MARCHF4: variants seen among roughly 807,000 people sequenced by gnomAD.
The protein encoded by MARCHF4 is membrane associated ring-CH-type finger 4.
A neutral mutation model predicts 43.9 loss-of-function variants in MARCHF4; 14 were observed. The ratio of observed to expected loss-of-function variants is 0.32; its 90% CI spans 0.21 to 0.50. The LOEUF (loss-of-function observed/expected upper bound fraction) is 0.50, where lower values mean the gene tolerates loss of function less well. Among genes scored for constraint, MARCHF4 ranks in the 20% least tolerant of loss-of-function variants. MARCHF4 has a pLI of 0.98. For missense variants in MARCHF4, 468 were observed against 536.7 expected (o/e 0.87, Z 1.27); for synonymous variants, 226 against 213.3 (o/e 1.06, Z -0.52).
chr2:216,317,780 G>A (rs1379065677), intron 1 of MARCHF4, among the ~76,000 whole-genome samples: 1 of 152,172 alleles, frequency 6.6e-6, no homozygotes, highest in Non-Finnish European at 1.5e-5. Context: ...GAAAGCATAT[G>A]ACCGGGTCGT....
At chr2:216,270,004 C>G (rs565239232) in intron 3 of MARCHF4, among the ~76,000 whole-genome samples, 5 of 152,182 alleles carry the variant, frequency 3.3e-5, no homozygotes, top group Non-Finnish European at 5.9e-5. Context: ...CTTCAAACAC[C>G]TTTTACTGTT....
In MARCHF4 at chr2:216,259,457, T is replaced by C. The variant is rs1166987170; in HGVS notation, c.1088A>G (p.Gln363Arg). The C allele has an allele frequency of 5.0e-6, 8 of 1,613,984 alleles. No homozygotes were observed. The highest frequency in any genetic ancestry group is 6.8e-6 in the Non-Finnish European group (8 of 1,179,986). ...AGGGCCTGAGGGGTGGCCGGCAGCC[T>C]GGGCAGGGCCCTGCTCAGGGGCAGG... ...GTPAPEQGPA[Q>R]AAGHPSGPLS... The change falls in exon 4 of 4, where the codon CAG (glutamine) becomes CGG (arginine). Residue 363 changes from glutamine to arginine, a missense_variant. Physicochemically the swap from Gln to Arg is conservative, Grantham distance 43. This residue lies in a region of MARCHF4 where 120 missense variants were observed against 127.1 expected (regional missense o/e 0.94). Coordinates refer to ENST00000273067, the MANE Select transcript of MARCHF4 (RefSeq NM_020814.3).
intron 1 of MARCHF4, among the ~76,000 whole-genome samples, chr2:216,295,059 C>T (rs765401334): frequency 6.6e-6 from 1 of 152,114 alleles, no homozygotes; most frequent in Admixed American, 6.5e-5. Flanking sequence ...GTACTAGAGG[C>T]TAGGTATTGT....
At chr2:216,276,782 G>A (rs184042696) in intron 3 of MARCHF4, among the ~76,000 whole-genome samples, 58 of 152,298 alleles carry the variant, frequency 3.8e-4, no homozygotes, top group Non-Finnish European at 7.5e-4. Context: ...TGGGATGTCT[G>A]ACCAGCGCTT....
At chr2:216,275,376 A>G (rs1322377177) in intron 3 of MARCHF4, among the ~76,000 whole-genome samples, 2 of 152,270 alleles carry the variant, frequency 1.3e-5, no homozygotes, top group East Asian at 3.9e-4. Context: ...GAACAGACCT[A>G]TGCATGACAG....
chr2:216,268,044 C>T (rs1322066320), intron 3 of MARCHF4, among the ~76,000 whole-genome samples: 1 of 152,174 alleles, frequency 6.6e-6, no homozygotes, highest in Non-Finnish European at 1.5e-5. Flanking sequence ...AGTAACAGAA[C>T]GTGGATGGGC....
intron 3 of MARCHF4, among the ~76,000 whole-genome samples, chr2:216,263,431 GAGAA>G (rs1690775359): frequency 1.8e-5 from 1 of 56,550 alleles, no homozygotes. Flanking sequence ...CTGCCTGAAA[GAGAA>G]AGAGAGAGAG....
rs749350936 is a variant in MARCHF4 at position 216,320,675 on chromosome 2, C to CTTT, written c.517-36949_517-36947dup. Among the ~76,000 whole-genome samples, 99 of 33,094 alleles carry CTTT rather than the reference C, an allele frequency of 3.0e-3. 3 individuals carry two copies. Among genetic ancestry groups the CTTT allele is most frequent in the African/African-American group, 0.015 (97 of 6,270 alleles). The allele number at this position is 33,094 out of a possible 152,430, so 21.7% of individuals were successfully genotyped here. ...TCTTTCTTTCTTTCTTTCTTTCTTTCTTTTTTTTTTTTTGAGATGGAGTCC... is the reference window on the plus strand; with the variant it reads ...TCTTTCTTTCTTTCTTTCTTTCTTTCTTTTTTTTTTTTTTTTGAGATGGAGTCC... On this transcript the variant is annotated intron_variant, in intron 1 of 3. Coordinates refer to ENST00000273067, the MANE Select transcript of MARCHF4 (RefSeq NM_020814.3).
chr2:216,276,823 T>C (rs1234288710), intron 3 of MARCHF4, among the ~76,000 whole-genome samples: 1 of 151,980 alleles, frequency 6.6e-6, no homozygotes, highest in Non-Finnish European at 1.5e-5. Flanking sequence ...GGACCATATC[T>C]TCAGAGTCAA....
At chr2:216,294,802 T>G (rs1284398979) in intron 1 of MARCHF4, among the ~76,000 whole-genome samples, 1 of 152,236 alleles carries the variant, frequency 6.6e-6, no homozygotes, top group Admixed American at 6.5e-5. Flanking sequence ...ATTAAGACTC[T>G]TATGTATACA....
At chr2:216,298,453 A>G (rs1379833367) in intron 1 of MARCHF4, among the ~76,000 whole-genome samples, 1 of 151,922 alleles carries the variant, frequency 6.6e-6, no homozygotes, top group Non-Finnish European at 1.5e-5. Context: ...TTTTGTAGAA[A>G]TGGGGTTTCA....
At chr2:216,358,004 T>C (rs546254716) in intron 1 of MARCHF4, among the ~76,000 whole-genome samples, 1 of 152,296 alleles carries the variant, frequency 6.6e-6, no homozygotes, top group African/African-American at 2.4e-5. Context: ...AAGAAAACAA[T>C]AGCGAGCTTG....
chr2:216,286,304 C>T (rs780097045), intron 1 of MARCHF4, among the ~76,000 whole-genome samples: 31 of 152,212 alleles, frequency 2.0e-4, no homozygotes, highest in Middle Eastern at 3.4e-3. Flanking sequence ...TTTGGGAGGC[C>T]GAGGCAGGTG....
intron 1 of MARCHF4, among the ~76,000 whole-genome samples, chr2:216,319,777 T>C (rs908889275): frequency 6.6e-6 from 1 of 152,166 alleles, no homozygotes; most frequent in Admixed American, 6.6e-5. Context: ...GGGATTTACA[T>C]CCCCAGCCCG....
chr2:216,354,909 TTCTTTCTTTCTTTCTTTC>T (rs1692463281), intron 1 of MARCHF4, among the ~76,000 whole-genome samples: 1 of 82,290 alleles, frequency 1.2e-5, no homozygotes, highest in Admixed American at 1.3e-4. Flanking sequence ...CTTTCTTTCT[TTCTTTCTTTCTTTCTTTC>T]TTTCTTTCTT....
At chr2:216,346,912 TG>T (rs1444993077) in intron 1 of MARCHF4, among the ~76,000 whole-genome samples, 1 of 152,092 alleles carries the variant, frequency 6.6e-6, no homozygotes, top group African/African-American at 2.4e-5. Flanking sequence ...GATTAGATCA[TG>T]GGGGGGATTT....
intron 1 of MARCHF4, among the ~76,000 whole-genome samples, chr2:216,339,860 G>A (rs1692210582): frequency 6.6e-6 from 1 of 152,040 alleles, no homozygotes; most frequent in Non-Finnish European, 1.5e-5. Context: ...GGGCAATAAG[G>A]TACCATGGAG....
At chr2:216,302,723 C>T (rs1312802066) in intron 1 of MARCHF4, among the ~76,000 whole-genome samples, 1 of 151,262 alleles carries the variant, frequency 6.6e-6, no homozygotes, top group African/African-American at 2.4e-5. Flanking sequence ...CACAATGAAA[C>T]CCCGTCTCCA....
intron 3 of MARCHF4, among the ~76,000 whole-genome samples, chr2:216,274,040 G>T (rs1690983636): frequency 6.6e-6 from 1 of 152,246 alleles, no homozygotes; most frequent in South Asian, 2.1e-4. Context: ...GCAACCCCTG[G>T]TTAATGGGTG....
Sources: allele counts gnomAD v4.1 joint callset (sites outside exome capture counted in the v4.1 genomes callset), GRCh38; gene constraint gnomAD v4.1.1; regional missense constraint gnomAD v4.1.1; transcripts MANE v1.5; gene names NCBI Gene and HGNC (gene_info 2026-07-23, HGNC 2026-07-21).